The following KCTD3 variants were observed in gnomAD, a reference collection of about 807,000 sequenced individuals.
The protein encoded by KCTD3 is potassium channel tetramerization domain containing 3.
A neutral mutation model predicts 85.8 loss-of-function variants in KCTD3; 41 were observed. The observed-to-expected ratio is 0.48, with a 90% CI of 0.37 to 0.62. The LOEUF is 0.62. Among genes scored for constraint, KCTD3 ranks in the 20% least tolerant of loss-of-function variants. The pLI is 0.00. For synonymous variants in KCTD3, 338 were observed against 345.4 expected, an observed-to-expected ratio of 0.98 and a Z score of 0.24; for missense variants, 724 against 989.9, an observed-to-expected ratio of 0.73 and a Z score of 3.60.
intron 13 of KCTD3, among the ~76,000 whole-genome samples, 178 bp downstream of exon 13, chr1:215,604,480 C>T (rs1654939567): frequency 6.6e-6 from 1 of 152,060 alleles, no homozygotes; most frequent in South Asian, 2.1e-4. Context: ...CGTGGTGGCT[C>T]ATGCCTATAA....
chr1:215,615,659 A>G (rs1407089082), intron 15 of KCTD3, among the ~76,000 whole-genome samples: 1 of 152,034 alleles, frequency 6.6e-6, no homozygotes, highest in Non-Finnish European at 1.5e-5. Context: ...GGGGGAAAAA[A>G]GTTCAAAATT....
chr1:215,610,072 A>C (rs904731083), intron 14 of KCTD3, among the ~76,000 whole-genome samples: 1 of 151,962 alleles, frequency 6.6e-6, no homozygotes, highest in East Asian at 1.9e-4. Context: ...GAGGCTTTTC[A>C]TTCCTCTTTA....
At chr1:215,600,441 T>C (rs748130168) in intron 10 of KCTD3, among the ~76,000 whole-genome samples, 1 of 152,198 alleles carries the variant, frequency 6.6e-6, no homozygotes, top group African/African-American at 2.4e-5. Context: ...TCTGTGAACC[T>C]TCCTTGATCT....
Position 215,567,617 on chromosome 1 carries a change from G to T in KCTD3, c.-69G>T, listed in dbSNP as rs1053886588. 113 of 1,053,730 alleles carry T rather than the reference G, an allele frequency of 1.1e-4. No individual in the cohort carries two copies. Among genetic ancestry groups the T allele is most frequent in the Non-Finnish European group, 1.3e-4 (110 of 831,576 alleles). The allele number at this position is 1,053,730 out of a possible 1,614,324, so 65.3% of individuals were successfully genotyped here. ...CCTGCAGCCGTCGCCGCTGCCTCGG[G>T]CTACAGCCCCGGGCTCGGCGGTCCC... On this transcript the variant is annotated 5_prime_UTR_variant, in exon 1 of 18. Transcript: ENST00000259154.
chr1:215,603,262 C>T (rs978079263), intron 12 of KCTD3, among the ~76,000 whole-genome samples: 2 of 151,988 alleles, frequency 1.3e-5, no homozygotes, highest in Non-Finnish European at 2.9e-5. Flanking sequence ...ATGGAGTCAT[C>T]TTTCTGGTTC....
At position 215,586,631 on chromosome 1, in the gene KCTD3, G is replaced by C; in HGVS notation, c.763G>C (p.Glu255Gln). 6.2e-7 allele frequency: 1 copy of C among 1,614,142 alleles called. No individual in the cohort carries two copies. The highest frequency in any genetic ancestry group is 2.2e-5 in the East Asian group (1 of 44,862). ...AGACAAAATGGTTGCTGTTGCCTCAGAGAGTAGCATCATCTTGTGGAGTGT... is the reference window on the plus strand; with the variant it reads ...AGACAAAATGGTTGCTGTTGCCTCACAGAGTAGCATCATCTTGTGGAGTGT... ...DKDKMVAVAS[E>Q]SSIILWSVQD... The change falls in exon 9 of 18, where the codon GAG becomes CAG. Residue 255 changes from glutamate (E) to glutamine (Q), a missense_variant. Glu to Gln is a conservative substitution (Grantham distance 29). Transcript: ENST00000259154.
chr1:215,578,315 G>A (rs1290327581), intron 6 of KCTD3, among the ~76,000 whole-genome samples: 1 of 152,176 alleles, frequency 6.6e-6, no homozygotes, highest in Non-Finnish European at 1.5e-5. Context: ...GAGGATCTCT[G>A]TGACAGCCAC....
chr1:215,598,355 G>T (rs193008966), intron 10 of KCTD3, among the ~76,000 whole-genome samples: 1 of 152,150 alleles, frequency 6.6e-6, no homozygotes, highest in Non-Finnish European at 1.5e-5. Flanking sequence ...TTCAAATTAG[G>T]AGTGAATTGA....
intron 9 of KCTD3, among the ~76,000 whole-genome samples, chr1:215,592,666 G>A (rs919332129): frequency 1.3e-5 from 2 of 152,116 alleles, no homozygotes; most frequent in African/African-American, 4.8e-5. Flanking sequence ...ATAGTAATTT[G>A]TTCATGCCCT....
At chr1:215,601,820 A>G in intron 10 of KCTD3, 47 bp from the exon 11 acceptor site, 2 of 1,115,158 alleles carry the variant, frequency 1.8e-6, no homozygotes, top group East Asian at 2.4e-5. Context: ...CAGAAAATAG[A>G]AATTATAATT....
intron 12 of KCTD3, 59 bp from the exon 13 acceptor site, chr1:215,604,073 G>C (rs1654925721): frequency 7.5e-7 from 1 of 1,326,022 alleles, no homozygotes; most frequent in African/African-American, 1.5e-5. Flanking sequence ...GCTTTGCGAG[G>C]GTAGCTTTTT....
chr1:215,598,469 C>T (rs1350591536), intron 10 of KCTD3, among the ~76,000 whole-genome samples: 1 of 152,118 alleles, frequency 6.6e-6, no homozygotes, highest in Non-Finnish European at 1.5e-5. Flanking sequence ...AGAACACTTT[C>T]TCAGAAGAGA....
At chr1:215,619,621 C>G (rs1437562291) in intron 17 of KCTD3, among the ~76,000 whole-genome samples, 1 of 152,110 alleles carries the variant, frequency 6.6e-6, no homozygotes, top group Non-Finnish European at 1.5e-5. Flanking sequence ...ATTGTCCTGT[C>G]TCAGGGACAA....
rs147948403 is a variant in KCTD3, at chr1:215,616,106, T to TG, written c.1563-2776dup. On this transcript the variant is annotated intron_variant, in intron 15 of 17. Coordinates refer to ENST00000259154, the MANE Select transcript of KCTD3 (RefSeq NM_016121.5). ...GCGTTCTGGTTTCTGTGAGCCACCTTGGGGAAAAAGAAGATTGTCTCTATG... is the reference window on the plus strand; with the variant it reads ...GCGTTCTGGTTTCTGTGAGCCACCTTGGGGGAAAAAGAAGATTGTCTCTATG... Among the ~76,000 whole-genome samples the TG allele has an allele frequency of 6.2e-3, 946 of 152,276 alleles. 9 individuals are homozygous for TG. Among genetic ancestry groups the TG allele is most frequent in the South Asian group, 0.018 (85 of 4,818 alleles).
intron 10 of KCTD3, among the ~76,000 whole-genome samples, chr1:215,598,691 G>GCTTTT (rs1654707562): frequency 7.7e-6 from 1 of 130,682 alleles, no homozygotes; most frequent in Non-Finnish European, 1.6e-5. Context: ...AAAATTAAAA[G>GCTTTT]GTCATTGAAA....
chr1:215,603,914 C>T (rs116574974), intron 12 of KCTD3, among the ~76,000 whole-genome samples: 5 of 151,876 alleles, frequency 3.3e-5, no homozygotes, highest in South Asian at 4.1e-4. Context: ...TGAATAGTTA[C>T]GTCTTGGAGT....
At position 215,620,101 on chromosome 1, in the gene KCTD3, A is replaced by G; in HGVS notation, c.1931A>G (p.Tyr644Cys). The part of the protein sequence containing the change: ...HHDTTHEAAT[Y>C]GSMRPYRESP... ...GATACCACCCATGAAGCAGCTACTT[A>G]CGGTTCCATGAGGCCTTACAGAGAA... is the stretch of plus-strand genomic sequence containing the variant. Residue 644 changes from tyrosine to cysteine, a missense_variant, in exon 18 of 18, where the codon TAC (tyrosine) becomes TGC (cysteine). Coordinates refer to ENST00000259154, the MANE Select transcript of KCTD3 (RefSeq NM_016121.5). 1.2e-6 allele frequency: 2 copies of G among 1,610,794 alleles called. No homozygotes were observed. Among genetic ancestry groups the G allele is most frequent in the African/African-American group, 1.3e-5 (1 of 74,822 alleles).
intron 9 of KCTD3, among the ~76,000 whole-genome samples, chr1:215,590,832 A>G (rs973348661): frequency 6.6e-6 from 1 of 152,082 alleles, no homozygotes; most frequent in African/African-American, 2.4e-5. Context: ...TTCCTGTTTC[A>G]CATGTCTAGA....
chr1:215,572,722 C>G (rs1012751615), intron 1 of KCTD3, among the ~76,000 whole-genome samples: 3 of 152,218 alleles, frequency 2.0e-5, no homozygotes, highest in Admixed American at 6.5e-5. Flanking sequence ...GGAAACATCC[C>G]TTAGCCATTT....
Sources: gnomAD v4.1 joint callset for allele counts (sites outside exome capture counted in the v4.1 genomes callset) on GRCh38, gnomAD v4.1.1 for gene constraint, MANE v1.5 for transcripts, NCBI Gene and HGNC (gene_info 2026-07-23, HGNC 2026-07-21) for gene names.